Variants in PBRM1 observed in about 807,000 individuals in gnomAD.
The protein encoded by PBRM1 is polybromo 1, also known as protein polybromo-1.
A neutral mutation model predicts 194.5 loss-of-function variants in PBRM1; 27 were observed. That is an observed-to-expected ratio of 0.14 (90% CI 0.10 to 0.19). The LOEUF (loss-of-function observed/expected upper bound fraction) is 0.19. PBRM1 is among the 10% of genes least tolerant of loss of function. PBRM1 has a pLI of 1.00. For missense variants in PBRM1, 1,466 were observed against 2,077.2 expected (o/e 0.71, Z 5.72); for synonymous variants, 655 against 693.2 (o/e 0.94, Z 0.87).
chr3:52,568,357 T>C (rs959422772), intron 22 of PBRM1, among the ~76,000 whole-genome samples: 3 of 152,238 alleles, frequency 2.0e-5, no homozygotes, highest in Non-Finnish European at 4.4e-5. Context: ...AATTGCTTTA[T>C]AGGAGCTCTT....
intron 23 of PBRM1, among the ~76,000 whole-genome samples, chr3:52,563,821 C>T (rs187527088): frequency 1.2e-3 from 181 of 151,742 alleles, no homozygotes; most frequent in African/African-American, 4.1e-3. Context: ...GTGTTTCTGC[C>T]TCATTCCACA....
rs1242586067 is a variant in PBRM1, at chr3:52,675,857, T to A, written c.236+2643A>T. ...GGGGCCGGGCGCGGTGGCTCACGCCTGTAATCCCAGCACTTTGGGAGGCCG... is the reference window on the plus strand; with the variant it reads ...GGGGCCGGGCGCGGTGGCTCACGCCAGTAATCCCAGCACTTTGGGAGGCCG... On this transcript the variant is annotated intron_variant, in intron 2 of 29. Transcript: ENST00000296302. Among the ~76,000 whole-genome samples the A allele has an allele frequency of 4.4e-5, 2 of 45,720 alleles. 1 individual carries two copies. Among genetic ancestry groups the A allele is most frequent in the African/African-American group, 2.1e-4 (2 of 9,426 alleles). The allele number at this position is 45,720 out of a possible 152,430, so 30.0% of individuals were successfully genotyped here.
chr3:52,630,855 G>T (rs2095596529), intron 11 of PBRM1, among the ~76,000 whole-genome samples: 1 of 152,172 alleles, frequency 6.6e-6, no homozygotes, highest in Non-Finnish European at 1.5e-5. Context: ...GCAGGGGACT[G>T]AGCTGGCTAA....
upstream of PBRM1, among the ~76,000 whole-genome samples, chr3:52,680,469 A>T (rs1330750165): frequency 6.6e-6 from 1 of 152,152 alleles, no homozygotes; most frequent in African/African-American, 2.4e-5. Context: ...GACATACTCT[A>T]ACTATAACAC....
chr3:52,642,085 T>C (rs777194312), intron 9 of PBRM1, 40 bp from the exon 11 acceptor site: 14 of 1,028,082 alleles, frequency 1.4e-5, no homozygotes, highest in Non-Finnish European at 1.7e-5. Flanking sequence ...GGAAGGATGT[T>C]ATAATAATTA....
intron 26 of PBRM1, among the ~76,000 whole-genome samples, 170 bp from the exon 29 acceptor site, chr3:52,555,049 T>C (rs2081942458): frequency 6.6e-6 from 1 of 152,220 alleles, no homozygotes; most frequent in Non-Finnish European, 1.5e-5. Flanking sequence ...AAATAAAAAG[T>C]TACAAATATG....
At chr3:52,685,478 G>A (rs2097297584) in intron 1 of PBRM1, 1 of 152,122 alleles carries the variant, frequency 6.6e-6, no homozygotes. Flanking sequence ...TGACAGCTTT[G>A]AAGCTGCCCC....
chr3:52,656,253 T>C (rs770562069), intron 5 of PBRM1, among the ~76,000 whole-genome samples: 2 of 152,158 alleles, frequency 1.3e-5, no homozygotes, highest in Non-Finnish European at 2.9e-5. Context: ...GAGTACCTAA[T>C]TCGTTTTTCT....
At chr3:52,632,042 T>C (rs2095635648) in intron 11 of PBRM1, among the ~76,000 whole-genome samples, 1 of 152,244 alleles carries the variant, frequency 6.6e-6, no homozygotes. Context: ...CCTATTCTGC[T>C]TTTTATAGAA....
intron 13 of PBRM1, among the ~76,000 whole-genome samples, chr3:52,621,740 T>C (rs979970821): frequency 3.3e-5 from 5 of 152,194 alleles, no homozygotes; most frequent in African/African-American, 1.2e-4. Context: ...TTCATCATTG[T>C]GCATTCAAGG....
At chr3:52,581,670 CCT>C (rs1367814466) in intron 20 of PBRM1, among the ~76,000 whole-genome samples, 3 of 151,388 alleles carry the variant, frequency 2.0e-5, no homozygotes, top group East Asian at 2.0e-4. Context: ...ACGGAGTCTC[CCT>C]CTGTCTCCAG....
intron 2 of PBRM1, among the ~76,000 whole-genome samples, chr3:52,671,327 T>C (rs1266491833): frequency 6.6e-6 from 1 of 152,204 alleles, no homozygotes; most frequent in Non-Finnish European, 1.5e-5. Flanking sequence ...AAGGCACCAT[T>C]ATCTTCGAGG....
At chr3:52,584,101 A>G (rs988638279) in intron 20 of PBRM1, among the ~76,000 whole-genome samples, 13 of 152,104 alleles carry the variant, frequency 8.5e-5, no homozygotes, top group African/African-American at 2.2e-4. Flanking sequence ...TGACTGTCAC[A>G]TATTTATTCT....
At chr3:52,568,041 C>T (rs1011152170) in intron 22 of PBRM1, among the ~76,000 whole-genome samples, 6 of 151,758 alleles carry the variant, frequency 4.0e-5, no homozygotes, top group African/African-American at 1.2e-4. Context: ...CGCAGTGGTG[C>T]GATTCTGGCT....
At chr3:52,633,001 A>C (rs1245999872) in intron 11 of PBRM1, among the ~76,000 whole-genome samples, 1 of 152,100 alleles carries the variant, frequency 6.6e-6, no homozygotes, top group African/African-American at 2.4e-5. Flanking sequence ...CACCCAGCCT[A>C]CCTTGACCAT....
At chr3:52,574,670 T>G (rs959034415) in intron 22 of PBRM1, among the ~76,000 whole-genome samples, 2 of 152,208 alleles carry the variant, frequency 1.3e-5, no homozygotes, top group African/African-American at 2.4e-5. Context: ...AGATCTCATT[T>G]CTGGCTGACC....
At chr3:52,627,219 TA>T (rs2153577031) in intron 13 of PBRM1, 53 bp downstream of exon 14, 2 of 981,402 alleles carry the variant, frequency 2.0e-6, no homozygotes, top group South Asian at 1.4e-5. Context: ...TTCACTTATC[TA>T]AAACAAAATT....
At chr3:52,621,134 C>T (rs2153527717) in intron 13 of PBRM1, among the ~76,000 whole-genome samples, 1 of 152,236 alleles carries the variant, frequency 6.6e-6, no homozygotes, top group African/African-American at 2.4e-5. Context: ...ATGAGATAAA[C>T]TCTATAACCA....
At chr3:52,614,846 C>T (rs534865809) in intron 15 of PBRM1, among the ~76,000 whole-genome samples, 134 of 152,256 alleles carry the variant, frequency 8.8e-4, no homozygotes, top group African/African-American at 3.0e-3. Context: ...GTTGGGATTA[C>T]AGGCATGAGT....
Sources: gnomAD v4.1 joint callset for allele counts (sites outside exome capture counted in the v4.1 genomes callset) on GRCh38, gnomAD v4.1.1 for gene constraint, MANE v1.5 for transcripts, NCBI Gene and HGNC (gene_info 2026-07-23, HGNC 2026-07-21) for gene names.